The following PCSK5 variants were observed in gnomAD, a reference collection of about 807,000 sequenced individuals.
PCSK5 encodes proprotein convertase subtilisin/kexin type 5, also known as prohormone convertase 5.
In PCSK5, 129 loss-of-function variants were observed where a neutral mutation model predicts 233.2. The ratio of observed to expected loss-of-function variants is 0.55; its 90% CI spans 0.48 to 0.64. PCSK5 has a LOEUF of 0.64. Among genes scored for constraint, PCSK5 ranks in the 30% least tolerant of loss-of-function variants. PCSK5 has a pLI of 0.00. For synonymous variants in PCSK5, 825 were observed against 879.2 expected, an observed-to-expected ratio of 0.94 and a Z score of 1.09; for missense variants, 2,076 against 2,430.1, an observed-to-expected ratio of 0.85 and a Z score of 3.06.
intron 5 of PCSK5, among the ~76,000 whole-genome samples, chr9:76,064,713 C>A (rs1021153426): frequency 1.3e-4 from 20 of 149,848 alleles, no homozygotes; most frequent in African/African-American, 4.9e-4. Context: ...CGGGCAGAGA[C>A]GCTCCTCACC....
At chr9:75,958,835 A>T (rs991121082) in intron 2 of PCSK5, among the ~76,000 whole-genome samples, 1 of 152,236 alleles carries the variant, frequency 6.6e-6, no homozygotes, top group Admixed American at 6.5e-5. Flanking sequence ...CAAAAAGCAC[A>T]TTGTAAACTT....
At chr9:76,141,450 C>T (rs1326761304) in intron 10 of PCSK5, among the ~76,000 whole-genome samples, 3 of 152,090 alleles carry the variant, frequency 2.0e-5, no homozygotes, top group African/African-American at 7.2e-5. Context: ...CTCTGGTAAT[C>T]TTCATACATT....
chr9:76,345,205 A>T (rs1829944664), intron 35 of PCSK5, among the ~76,000 whole-genome samples: 1 of 150,472 alleles, frequency 6.6e-6, no homozygotes, highest in Non-Finnish European at 1.5e-5. Flanking sequence ...ATTTTATTTT[A>T]TTTTATTTTA....
At chr9:76,320,660 G>T (rs1829171960) in intron 30 of PCSK5, among the ~76,000 whole-genome samples, 1 of 150,408 alleles carries the variant, frequency 6.6e-6, no homozygotes, top group African/African-American at 2.4e-5. Flanking sequence ...TTTTAGTAGA[G>T]ACTGGGTTTT....
chr9:76,302,120 T>C lies in PCSK5; in HGVS notation c.3524-17T>C. On this transcript the variant is annotated splice_polypyrimidine_tract_variant and intron_variant, in intron 27 of 37. Transcript: ENST00000674117. ...GCATTAAAAAAAAACTAAACACTTTTTTTTTTAATAAAAAAGAAGCTGTGT... is the reference window on the plus strand; with the variant it reads ...GCATTAAAAAAAAACTAAACACTTTCTTTTTTAATAAAAAAGAAGCTGTGT... 1 of 1,255,938 alleles carries C rather than the reference T, an allele frequency of 8.0e-7. No homozygotes were observed. The highest frequency in any genetic ancestry group is 2.4e-4 in the Middle Eastern group (1 of 4,164). The allele number at this position is 1,255,938 out of a possible 1,614,324, so 77.8% of individuals were successfully genotyped here. A position where few individuals can be genotyped will look rare whatever the true frequency, so the allele number is the denominator to read the frequency against.
At chr9:76,092,790 T>G (rs1476005540) in intron 7 of PCSK5, among the ~76,000 whole-genome samples, 2 of 152,244 alleles carry the variant, frequency 1.3e-5, no homozygotes, top group Non-Finnish European at 2.9e-5. Flanking sequence ...TAGCCTCTGT[T>G]GTTTTTAGTA....
At chr9:76,255,872 A>G (rs1453202045) in intron 24 of PCSK5, among the ~76,000 whole-genome samples, 1 of 152,162 alleles carries the variant, frequency 6.6e-6, no homozygotes, top group Non-Finnish European at 1.5e-5. Context: ...CATTTTATAG[A>G]TGAAAAAACC....
At chr9:76,341,053 G>GAAA (rs11446664) in intron 35 of PCSK5, among the ~76,000 whole-genome samples, 10 of 134,706 alleles carry the variant, frequency 7.4e-5, no homozygotes, top group Non-Finnish European at 9.6e-5. Context: ...TGTTTCTACA[G>GAAA]AAAAAAAAAA....
At chr9:76,246,328 C>T (rs1274164127) in intron 24 of PCSK5, among the ~76,000 whole-genome samples, 3 of 112,804 alleles carry the variant, frequency 2.7e-5, no homozygotes, top group Admixed American at 1.3e-4. Flanking sequence ...GGCGACAGAG[C>T]GAGATTCCAT....
In PCSK5 at chr9:76,304,319, A is replaced by G. The variant is rs111390706; in HGVS notation, c.3604+2102A>G. 2.9e-3 allele frequency among the ~76,000 whole-genome samples: 441 copies of G among 152,294 alleles called. 2 individuals carry two copies. Among genetic ancestry groups the G allele is most frequent in the African/African-American group, 9.8e-3 (408 of 41,566 alleles). On this transcript the variant is annotated intron_variant, in intron 28 of 37. Coordinates refer to ENST00000674117, the MANE Select transcript of PCSK5 (RefSeq NM_001372043.1). ...CTGTGTCTATCCATCCTATCTATGT[A>G]TGTACCTTTCTATCATCTGTATTTG...
intron 2 of PCSK5, among the ~76,000 whole-genome samples, chr9:75,942,130 C>T (rs1004814517): frequency 1.3e-5 from 2 of 152,168 alleles, no homozygotes; most frequent in African/African-American, 2.4e-5. Flanking sequence ...AAGCGTAGCG[C>T]ACTCGTTGCC....
intron 30 of PCSK5, among the ~76,000 whole-genome samples, chr9:76,311,107 G>A (rs973587407): frequency 3.3e-5 from 5 of 152,086 alleles, no homozygotes; most frequent in African/African-American, 1.2e-4. Flanking sequence ...TGGGCGTGGT[G>A]GCTCACACCT....
intron 27 of PCSK5, 98 bp downstream of exon 27, chr9:76,296,963 G>A (rs558325419): frequency 1.9e-5 from 15 of 775,294 alleles, no homozygotes; most frequent in African/African-American, 1.7e-4. Flanking sequence ...AGGAGAGAAA[G>A]GCTGTGCAGA....
At position 76,025,954 on chromosome 9, in the gene PCSK5, AT is replaced by A. The variant is rs1828405903; in HGVS notation, c.556-1006del. ...TAATTTTAAAAATAGTAAAAAAAAAATAACTGGGTGTGATGGCACCTGCCTG... is the reference window on the plus strand; with the variant it reads ...TAATTTTAAAAATAGTAAAAAAAAAAAACTGGGTGTGATGGCACCTGCCTG... On this transcript the variant is annotated intron_variant, in intron 4 of 37. Transcript: ENST00000674117. Among the ~76,000 whole-genome samples the A allele has an allele frequency of 2.0e-5, 3 of 152,070 alleles. No individual in the cohort carries two copies. The South Asian group carries it at 6.2e-4, about 32-fold the overall frequency.
At chr9:75,970,053 A>G (rs931632242) in intron 2 of PCSK5, among the ~76,000 whole-genome samples, 2 of 151,858 alleles carry the variant, frequency 1.3e-5, no homozygotes, top group African/African-American at 4.8e-5. Context: ...TTGTATGTTT[A>G]GTAGCGATGG....
At chr9:76,339,386 T>C (rs1470830890) in intron 35 of PCSK5, among the ~76,000 whole-genome samples, 1 of 152,166 alleles carries the variant, frequency 6.6e-6, no homozygotes, top group Non-Finnish European at 1.5e-5. Flanking sequence ...AATCTTTCAT[T>C]TTTAAAAAGT....
chr9:76,317,487 G>A (rs566849801), intron 30 of PCSK5, among the ~76,000 whole-genome samples: 8 of 152,320 alleles, frequency 5.3e-5, no homozygotes, highest in South Asian at 4.1e-4. Flanking sequence ...ATGATTAAAC[G>A]TGTGAGTGCT....
chr9:76,282,075 T>TTCC (rs563215268), intron 24 of PCSK5, among the ~76,000 whole-genome samples: 1 of 139,726 alleles, frequency 7.2e-6, no homozygotes. Context: ...TTTTTTTTTT[T>TTCC]CCCCACTCTG....
intron 7 of PCSK5, among the ~76,000 whole-genome samples, chr9:76,078,233 G>T (rs1033722023): frequency 6.6e-6 from 1 of 152,034 alleles, no homozygotes; most frequent in Non-Finnish European, 1.5e-5. Context: ...CATTCTGTAG[G>T]TTATTTATTG....
Sources: gnomAD v4.1 joint callset for allele counts (sites outside exome capture counted in the v4.1 genomes callset) on GRCh38, gnomAD v4.1.1 for gene constraint, MANE v1.5 for transcripts, NCBI Gene and HGNC (gene_info 2026-07-23, HGNC 2026-07-21) for gene names.